The following RBPMS variants were observed in gnomAD, a reference collection of about 807,000 sequenced individuals.
RBPMS encodes RNA binding protein, mRNA processing factor.
A neutral mutation model predicts 26.8 loss-of-function variants in RBPMS; 7 were observed. The ratio of observed to expected loss-of-function variants is 0.26; its 90% CI spans 0.15 to 0.49. The LOEUF (loss-of-function observed/expected upper bound fraction) is 0.49, where lower values mean the gene tolerates loss of function less well. RBPMS is among the 20% of genes least tolerant of loss of function. RBPMS has a pLI of 0.98. For synonymous variants in RBPMS, 96 were observed against 93.3 expected (o/e 1.03, Z -0.17); for missense variants, 186 against 250.0 (o/e 0.74, Z 1.73).
chr8:30,424,019 G>T (rs1431860264), intron 1 of RBPMS, among the ~76,000 whole-genome samples: 1 of 151,996 alleles, frequency 6.6e-6, no homozygotes, highest in South Asian at 2.1e-4. Flanking sequence ...TGTATTTTTT[G>T]TAGAGACAGA....
At chr8:30,490,564 A>T (rs1401361469) in intron 4 of RBPMS, among the ~76,000 whole-genome samples, 1 of 151,886 alleles carries the variant, frequency 6.6e-6, no homozygotes, top group Non-Finnish European at 1.5e-5. Context: ...GGTTCAAGTG[A>T]TTCTCCTGCC....
chr8:30,528,434 GCTCCA>G (rs1482580127), intron 5 of RBPMS, among the ~76,000 whole-genome samples: 2 of 152,150 alleles, frequency 1.3e-5, no homozygotes, highest in African/African-American at 4.8e-5. Context: ...TGCCTTATGG[GCTCCA>G]GATGGGGAGC....
chr8:30,515,407 T>TA (rs1822199864), intron 5 of RBPMS, among the ~76,000 whole-genome samples: 1 of 152,234 alleles, frequency 6.6e-6, no homozygotes, highest in Non-Finnish European at 1.5e-5. Context: ...CAGTTACCTG[T>TA]AAAGGGTATT....
rs554313627 is a variant in RBPMS at position 30,427,509 on chromosome 8, C to T, written c.66+42351C>T. ...TTCCTCCACTACAGGAATGCCTGCT[C>T]GTCTTTCAGTACCCAGATCAAATGG... On this transcript the variant is annotated intron_variant, in intron 1 of 8. Transcript: ENST00000397323. Among the ~76,000 whole-genome samples, 195 of 152,318 alleles carry T rather than the reference C, an allele frequency of 1.3e-3. 2 individuals are homozygous for T. The highest frequency in any genetic ancestry group is 4.5e-3 in the African/African-American group (188 of 41,574).
intron 1 of RBPMS, among the ~76,000 whole-genome samples, chr8:30,457,382 G>C (rs934611540): frequency 6.6e-6 from 1 of 152,122 alleles, no homozygotes; most frequent in Non-Finnish European, 1.5e-5. Context: ...CATGGTGGTA[G>C]TAGTATAAAT....
chr8:30,448,218 G>C (rs1222739523), intron 1 of RBPMS, among the ~76,000 whole-genome samples: 1 of 152,194 alleles, frequency 6.6e-6, no homozygotes, highest in Non-Finnish European at 1.5e-5. Context: ...CTTATTAGCT[G>C]TATGTTGGGT....
In RBPMS at chr8:30,474,805, T is replaced by G. The variant is rs745472931; in HGVS notation, c.93T>G (p.Leu31=). The G allele has an allele frequency of 1.2e-6, 2 of 1,612,756 alleles. No individual in the cohort carries two copies. The highest frequency in any genetic ancestry group is 2.2e-5 in the South Asian group (2 of 91,054). The change falls in exon 2 of 9, where the codon CTT becomes CTG. Residue 31 remains leucine (L), a synonymous_variant. Coordinates refer to ENST00000397323, the MANE Select transcript of RBPMS (RefSeq NM_001008710.3). ...TCCGGACCCTATTTGTCAGTGGCCT[T>G]CCTCTGGATATCAAACCTCGGGAGC... is the stretch of plus-strand genomic sequence containing the variant. ...EEVRTLFVSG[L]PLDIKPRELY...
intron 1 of RBPMS, among the ~76,000 whole-genome samples, chr8:30,468,641 G>C (rs1357636218): frequency 6.6e-6 from 1 of 152,110 alleles, no homozygotes; most frequent in African/African-American, 2.4e-5. Context: ...AGTCAGTCGA[G>C]ATATTTATAG....
At chr8:30,513,398 G>A (rs200928348) in intron 5 of RBPMS, among the ~76,000 whole-genome samples, 18 of 151,994 alleles carry the variant, frequency 1.2e-4, no homozygotes, top group Non-Finnish European at 2.4e-4. Context: ...GACCATCCTG[G>A]CTAACACGGT....
At chr8:30,511,605 A>G (rs933821260) in intron 5 of RBPMS, among the ~76,000 whole-genome samples, 4 of 148,250 alleles carry the variant, frequency 2.7e-5, no homozygotes, top group Non-Finnish European at 5.9e-5. Context: ...ATATTTGTGT[A>G]TATATATATT....
chr8:30,508,842 T>C (rs1821310406), intron 5 of RBPMS, among the ~76,000 whole-genome samples: 1 of 152,218 alleles, frequency 6.6e-6, no homozygotes, highest in African/African-American at 2.4e-5. Flanking sequence ...TGAATAAATG[T>C]TCTTGATGAG....
chr8:30,517,445 C>T (rs1004105648), intron 5 of RBPMS, among the ~76,000 whole-genome samples: 5 of 152,042 alleles, frequency 3.3e-5, no homozygotes, highest in Non-Finnish European at 5.9e-5. Flanking sequence ...TCTACTTAAA[C>T]AAAATAGTTT....
chr8:30,518,583 G>A (rs186902022), intron 5 of RBPMS, among the ~76,000 whole-genome samples: 77 of 147,414 alleles, frequency 5.2e-4, no homozygotes, highest in African/African-American at 1.7e-3. Flanking sequence ...GCGTCACCAC[G>A]CCCAGCTATT....
At chr8:30,419,114 A>G (rs907930237) in intron 1 of RBPMS, among the ~76,000 whole-genome samples, 2 of 151,382 alleles carry the variant, frequency 1.3e-5, no homozygotes, top group African/African-American at 2.4e-5. Context: ...AGATGTCCAG[A>G]TGAGAAAAAC....
At chr8:30,452,486 G>A (rs2150749934) in intron 1 of RBPMS, among the ~76,000 whole-genome samples, 1 of 152,288 alleles carries the variant, frequency 6.6e-6, no homozygotes. Flanking sequence ...GACACCAGAA[G>A]AACATGATCA....
At chr8:30,436,725 G>A (rs532404354) in intron 1 of RBPMS, among the ~76,000 whole-genome samples, 4 of 152,254 alleles carry the variant, frequency 2.6e-5, no homozygotes, top group African/African-American at 9.6e-5. Flanking sequence ...GCTTGCTGGT[G>A]CCCTTGCATT....
At chr8:30,551,225 G>T (rs560724822) in intron 6 of RBPMS, among the ~76,000 whole-genome samples, 30 of 152,312 alleles carry the variant, frequency 2.0e-4, no homozygotes, top group African/African-American at 7.0e-4. Flanking sequence ...TTTAGAAGCA[G>T]TCCTCCAAAA....
chr8:30,408,360 C>T lies in RBPMS; in HGVS notation c.66+23202C>T, dbSNP rs186682577. 2.1e-3 allele frequency among the ~76,000 whole-genome samples: 325 copies of T among 152,298 alleles called. 4 individuals are homozygous for T. The highest frequency in any genetic ancestry group is 6.8e-3 in the Middle Eastern group (2 of 294). The stretch of plus-strand genomic sequence containing the variant: ...CCTGGCCAATGTGGCGAAACTCTGT[C>T]TCTACTAAAAGTACAAAAATCAGCC... On this transcript the variant is annotated intron_variant, in intron 1 of 8. Coordinates refer to ENST00000397323, the MANE Select transcript of RBPMS (RefSeq NM_001008710.3).
At chr8:30,563,078 C>T (rs1827629985) in intron 7 of RBPMS, among the ~76,000 whole-genome samples, 1 of 152,180 alleles carries the variant, frequency 6.6e-6, no homozygotes, top group Admixed American at 6.5e-5. Flanking sequence ...AGTTACTGCT[C>T]ATGATCCTGC....
Sources: gnomAD v4.1 joint callset for allele counts (sites outside exome capture counted in the v4.1 genomes callset) on GRCh38, gnomAD v4.1.1 for gene constraint, MANE v1.5 for transcripts, NCBI Gene and HGNC (gene_info 2026-07-23, HGNC 2026-07-21) for gene names.